Variants in CNTNAP2 observed in about 807,000 individuals in gnomAD.
The protein encoded by CNTNAP2 is contactin associated protein 2.
In CNTNAP2, 98 loss-of-function variants were observed where a neutral mutation model predicts 155.2. That is an observed-to-expected ratio of 0.63 (90% confidence interval 0.54 to 0.75). The LOEUF (loss-of-function observed/expected upper bound fraction) is 0.75. Ranked by LOEUF, CNTNAP2 falls within the 30% of genes least tolerant of loss-of-function variation. CNTNAP2 has a pLI of 0.00. For missense variants in CNTNAP2, 1,727 were observed against 1,688.1 expected, an observed-to-expected ratio of 1.02 and a Z score of -0.40; for synonymous variants, 651 against 631.2, an observed-to-expected ratio of 1.03 and a Z score of -0.47.
At chr7:147,862,984 G>GGTTT (rs1799163351) in intron 13 of CNTNAP2, among the ~76,000 whole-genome samples, 1 of 151,952 alleles carries the variant, frequency 6.6e-6, no homozygotes. Flanking sequence ...ACAACGTGCA[G>GGTTT]GTTTGATACA....
At chr7:146,531,151 T>C (rs62484477) in intron 1 of CNTNAP2, among the ~76,000 whole-genome samples, 49,857 of 151,970 alleles carry the variant, frequency 0.33, 8,275 homozygotes, top group East Asian at 0.46. Context: ...TTCTCACTTG[T>C]CAGTGGGAGC....
rs1347949096 is a variant in CNTNAP2 at position 146,714,516 on chromosome 7, TA to T, written c.98-59752del. Among the ~76,000 whole-genome samples the T allele has an allele frequency of 4.6e-3, 695 of 152,328 alleles. 6 individuals are homozygous for T. Among genetic ancestry groups the T allele is most frequent in the African/African-American group, 0.016 (658 of 41,584 alleles). On this transcript the variant is annotated intron_variant, in intron 1 of 23. Transcript: ENST00000361727. ...CCTCAGGTGAGATGATATTTTTTTG[TA>T]AACTTAGGGTTAACAAACCTATTTA...
chr7:147,498,333 T>C (rs569295250), intron 11 of CNTNAP2, among the ~76,000 whole-genome samples: 2 of 152,286 alleles, frequency 1.3e-5, no homozygotes, highest in African/African-American at 2.4e-5. Flanking sequence ...GTCCTTCTCT[T>C]ATTGTTGCTA....
intron 1 of CNTNAP2, among the ~76,000 whole-genome samples, chr7:146,353,747 G>A (rs1386468367): frequency 1.3e-5 from 2 of 151,776 alleles, no homozygotes; most frequent in African/African-American, 2.4e-5. Context: ...GCAGCACTGG[G>A]ATTTGCAACC....
At chr7:147,619,362 A>G (rs1344812964) in intron 12 of CNTNAP2, among the ~76,000 whole-genome samples, 2 of 152,238 alleles carry the variant, frequency 1.3e-5, no homozygotes, top group African/African-American at 2.4e-5. Context: ...AAATCTGTAG[A>G]GTGTAAATAC....
chr7:147,694,362 G>C (rs2116996083), intron 13 of CNTNAP2, among the ~76,000 whole-genome samples: 1 of 152,146 alleles, frequency 6.6e-6, no homozygotes, highest in South Asian at 2.1e-4. Flanking sequence ...CTCAAAGTAT[G>C]AGTTAGGACA....
intron 21 of CNTNAP2, among the ~76,000 whole-genome samples, chr7:148,294,530 C>A (rs9640520): frequency 0.76 from 115,476 of 151,804 alleles, 44,149 homozygotes; most frequent in South Asian, 0.91. Flanking sequence ...GAAGGAGCAA[C>A]GCTTTGTGTT....
At chr7:146,712,238 A>G (rs1801100000) in intron 1 of CNTNAP2, among the ~76,000 whole-genome samples, 1 of 127,470 alleles carries the variant, frequency 7.8e-6, no homozygotes, top group African/African-American at 2.8e-5. Context: ...ATGTATACAT[A>G]TCTTATGTAT....
At chr7:146,526,055 T>C (rs1254576333) in intron 1 of CNTNAP2, among the ~76,000 whole-genome samples, 1 of 151,936 alleles carries the variant, frequency 6.6e-6, no homozygotes, top group Non-Finnish European at 1.5e-5. Context: ...TTTTTTCTGA[T>C]TTGAAAATAA....
intron 1 of CNTNAP2, among the ~76,000 whole-genome samples, chr7:146,717,251 A>C (rs1340581405): frequency 6.6e-6 from 1 of 151,266 alleles, no homozygotes; most frequent in African/African-American, 2.4e-5. Flanking sequence ...GATTTAACCT[A>C]GTTTTCTTTG....
chr7:146,662,338 A>G (rs1054507796), intron 1 of CNTNAP2, among the ~76,000 whole-genome samples: 3 of 110,874 alleles, frequency 2.7e-5, no homozygotes, highest in African/African-American at 2.7e-5. Flanking sequence ...AGGTTTTACC[A>G]TATTGGCCAG....
intron 1 of CNTNAP2, among the ~76,000 whole-genome samples, chr7:146,220,837 G>A (rs1336395985): frequency 6.6e-6 from 1 of 152,172 alleles, no homozygotes; most frequent in African/African-American, 2.4e-5. Context: ...TGCAGACCTA[G>A]AATAGAAACA....
intron 21 of CNTNAP2, among the ~76,000 whole-genome samples, chr7:148,268,012 C>T (rs951685740): frequency 3.3e-5 from 5 of 152,220 alleles, no homozygotes; most frequent in African/African-American, 1.2e-4. Flanking sequence ...ATTCCAGAGT[C>T]TCCTTGTCCC....
chr7:148,154,560 T>C (rs1260977854), intron 17 of CNTNAP2, among the ~76,000 whole-genome samples: 1 of 152,058 alleles, frequency 6.6e-6, no homozygotes, highest in Non-Finnish European at 1.5e-5. Context: ...AGGAGAAAAA[T>C]AGAATTCTAA....
intron 21 of CNTNAP2, among the ~76,000 whole-genome samples, chr7:148,367,153 C>G (rs1210094769): frequency 6.6e-6 from 1 of 151,934 alleles, no homozygotes. Context: ...ATCGATTGAA[C>G]CTGGGAAGCA....
At chr7:147,748,197 CAAT>C (rs1797076736) in intron 13 of CNTNAP2, among the ~76,000 whole-genome samples, 2 of 152,126 alleles carry the variant, frequency 1.3e-5, no homozygotes, top group South Asian at 4.1e-4. Flanking sequence ...ACTTTGAACT[CAAT>C]GATGTTTAAG....
intron 1 of CNTNAP2, among the ~76,000 whole-genome samples, chr7:146,636,969 T>C (rs533739309): frequency 4.9e-4 from 75 of 152,348 alleles, no homozygotes; most frequent in African/African-American, 1.7e-3. Flanking sequence ...CACAGTGTCA[T>C]TGGACACACG....
chr7:148,167,797 G>T (rs1352391421), intron 17 of CNTNAP2, among the ~76,000 whole-genome samples: 1 of 152,172 alleles, frequency 6.6e-6, no homozygotes, highest in Admixed American at 6.5e-5. Flanking sequence ...ACAAACACAA[G>T]TGCAGGAAGA....
At chr7:146,857,639 C>T (rs1188967654) in intron 3 of CNTNAP2, among the ~76,000 whole-genome samples, 1 of 152,080 alleles carries the variant, frequency 6.6e-6, no homozygotes, top group Non-Finnish European at 1.5e-5. Flanking sequence ...GACTGAGAAA[C>T]AATGGGAGGG....
Sources: gnomAD v4.1 joint callset for allele counts (sites outside exome capture counted in the v4.1 genomes callset) on GRCh38, gnomAD v4.1.1 for gene constraint, MANE v1.5 for transcripts, NCBI Gene and HGNC (gene_info 2026-07-23, HGNC 2026-07-21) for gene names.